NRXN1: variants seen among roughly 807,000 people sequenced by gnomAD.
The protein encoded by NRXN1 is neurexin 1.
A neutral mutation model predicts 150.9 loss-of-function variants in NRXN1; 39 were observed. That is an observed-to-expected ratio of 0.26 (90% CI 0.20 to 0.34). NRXN1 has a LOEUF of 0.34. NRXN1 is among the 10% of genes least tolerant of loss of function. The probability of loss-of-function intolerance (pLI) is 1.00; values close to 1 mark genes in which losing one functional copy is unlikely to be tolerated. For synonymous variants in NRXN1, 924 were observed against 757.0 expected, an observed-to-expected ratio of 1.22 and a Z score of -3.62; for missense variants, 1,815 against 1,949.9, an observed-to-expected ratio of 0.93 and a Z score of 1.30.
chr2:50,481,936 T>C (rs1282170507), intron 15 of NRXN1, among the ~76,000 whole-genome samples: 1 of 145,438 alleles, frequency 6.9e-6, no homozygotes, highest in Admixed American at 6.7e-5. Context: ...CGGCTAATTT[T>C]TTTTTGTATT....
intron 5 of NRXN1, among the ~76,000 whole-genome samples, chr2:50,910,728 G>T (rs986986108): frequency 1.8e-4 from 27 of 151,924 alleles, no homozygotes; most frequent in African/African-American, 6.0e-4. Flanking sequence ...CCTAAAAAAA[G>T]AATAATCCAC....
At chr2:50,224,779 C>G (rs971317231) in intron 18 of NRXN1, among the ~76,000 whole-genome samples, 3 of 150,748 alleles carry the variant, frequency 2.0e-5, no homozygotes, top group Non-Finnish European at 4.4e-5. Context: ...TCTCTACATT[C>G]CTAATCAATT....
intron 18 of NRXN1, among the ~76,000 whole-genome samples, chr2:50,107,539 A>ATATTTTT (rs59921941): frequency 1.8e-4 from 24 of 129,872 alleles, no homozygotes; most frequent in African/African-American, 5.9e-4. Flanking sequence ...ATATATATAT[A>ATATTTTT]TTTTTTTTTT....
intron 17 of NRXN1, among the ~76,000 whole-genome samples, chr2:50,441,595 T>C (rs2085960475): frequency 6.6e-6 from 1 of 152,122 alleles, no homozygotes; most frequent in South Asian, 2.1e-4. Flanking sequence ...AATGGGGTTG[T>C]GCATTTTGTC....
intron 2 of NRXN1, among the ~76,000 whole-genome samples, chr2:50,954,968 A>T (rs1458943084): frequency 2.0e-5 from 3 of 152,152 alleles, no homozygotes; most frequent in African/African-American, 7.2e-5. Context: ...GACCAACTCA[A>T]CTGGCACTTA....
At chr2:50,507,636 CAA>C (rs71404959) in intron 12 of NRXN1, among the ~76,000 whole-genome samples, 29,430 of 106,754 alleles carry the variant, frequency 0.28, 2,793 homozygotes, top group Middle Eastern at 0.4. Flanking sequence ...TCCGTCACCT[CAA>C]AAAAAAAAAA....
At chr2:50,253,597 G>A (rs564598776) in intron 17 of NRXN1, among the ~76,000 whole-genome samples, 3 of 152,068 alleles carry the variant, frequency 2.0e-5, no homozygotes, top group African/African-American at 4.8e-5. Flanking sequence ...TTAACACCTA[G>A]TTTATTGAGA....
intron 17 of NRXN1, among the ~76,000 whole-genome samples, chr2:50,336,470 T>A (rs962438788): frequency 1.3e-5 from 2 of 152,222 alleles, no homozygotes; most frequent in African/African-American, 4.8e-5. Context: ...AATACTCAAA[T>A]AAGTTTATTA....
At chr2:50,312,251 A>G (rs1297014761) in intron 17 of NRXN1, among the ~76,000 whole-genome samples, 1 of 152,148 alleles carries the variant, frequency 6.6e-6, no homozygotes, top group Non-Finnish European at 1.5e-5. Flanking sequence ...GCATAGATTC[A>G]GGATCTTAGT....
intron 13 of NRXN1, among the ~76,000 whole-genome samples, chr2:50,505,404 G>A (rs555842437): frequency 2.2e-4 from 33 of 152,280 alleles, no homozygotes; most frequent in African/African-American, 7.0e-4. Flanking sequence ...ATTTTAAAAT[G>A]TTCTGTTGTA....
chr2:50,184,447 A>G (rs1319829623), intron 18 of NRXN1, among the ~76,000 whole-genome samples: 1 of 152,042 alleles, frequency 6.6e-6, no homozygotes, highest in East Asian at 1.9e-4. Flanking sequence ...AAGAGAGAGT[A>G]CTATTTAACC....
At chr2:50,659,505 T>A (rs1278099084) in intron 5 of NRXN1, among the ~76,000 whole-genome samples, 2 of 151,920 alleles carry the variant, frequency 1.3e-5, no homozygotes, top group African/African-American at 4.8e-5. Context: ...TCTATATAAA[T>A]GGAATGAATC....
At chr2:50,417,775 A>G (rs1206299585) in intron 17 of NRXN1, among the ~76,000 whole-genome samples, 1 of 152,002 alleles carries the variant, frequency 6.6e-6, no homozygotes, top group African/African-American at 2.4e-5. Context: ...TTAAAGAAAC[A>G]AAGAAGAAAT....
chr2:50,504,222 C>T (rs1297457103), intron 13 of NRXN1, among the ~76,000 whole-genome samples: 2 of 148,430 alleles, frequency 1.3e-5, no homozygotes, highest in Non-Finnish European at 3.0e-5. Context: ...GTATTGATAA[C>T]ATTGAATCAA....
chr2:50,646,272 C>T (rs1684802560), intron 5 of NRXN1, among the ~76,000 whole-genome samples: 3 of 152,000 alleles, frequency 2.0e-5, no homozygotes, highest in Admixed American at 2.0e-4. Flanking sequence ...ATTTTCTTCT[C>T]ACACTGAAGC....
chr2:50,950,695 A>G (rs2104580645), intron 2 of NRXN1, among the ~76,000 whole-genome samples: 1 of 152,308 alleles, frequency 6.6e-6, no homozygotes, highest in East Asian at 1.9e-4. Context: ...TTTTTGTAAC[A>G]TTATTTCGGT....
At chr2:50,856,959 G>C (rs1675362248) in intron 5 of NRXN1, among the ~76,000 whole-genome samples, 1 of 152,018 alleles carries the variant, frequency 6.6e-6, no homozygotes, top group Non-Finnish European at 1.5e-5. Context: ...CAGTGCTCCA[G>C]ATACCACAAG....
At chr2:50,548,904 C>G (rs1232470548) in intron 9 of NRXN1, among the ~76,000 whole-genome samples, 3 of 152,078 alleles carry the variant, frequency 2.0e-5, no homozygotes. Context: ...TGGGTTCCCT[C>G]TACTTTAATA....
intron 17 of NRXN1, among the ~76,000 whole-genome samples, chr2:50,448,260 T>C (rs1236770470): frequency 6.6e-6 from 1 of 152,158 alleles, no homozygotes; most frequent in Non-Finnish European, 1.5e-5. Flanking sequence ...TTCCTCAATT[T>C]CTGGGTAATT....
Sources: gnomAD v4.1 joint callset for allele counts (sites outside exome capture counted in the v4.1 genomes callset) on GRCh38, gnomAD v4.1.1 for gene constraint, MANE v1.5 for transcripts, NCBI Gene and HGNC (gene_info 2026-07-23, HGNC 2026-07-21) for gene names.